The following EFHB variants were observed in gnomAD, a reference collection of about 807,000 sequenced individuals.
EFHB encodes the protein EF-hand domain family member B.
EFHB carries 91 observed loss-of-function variants against 87.2 expected under a neutral mutation model. The ratio of observed to expected loss-of-function variants is 1.04; its 90% CI spans 0.88 to 1.24. EFHB has a LOEUF of 1.24. EFHB is among the 50% of genes most tolerant of loss of function. The pLI is 0.00. For missense variants in EFHB, 1,084 were observed against 998.8 expected (o/e 1.09, Z -1.15); for synonymous variants, 325 against 333.6 (o/e 0.97, Z 0.28).
intron 6 of EFHB, among the ~76,000 whole-genome samples, chr3:19,900,617 T>C (rs538579988): frequency 6.6e-6 from 1 of 152,212 alleles, no homozygotes; most frequent in East Asian, 1.9e-4. Context: ...AATGATATAA[T>C]CCAGATAGCA....
At chr3:19,918,094 T>C in intron 4 of EFHB, 138 bp downstream of exon 4, 1 of 1,007,292 alleles carries the variant, frequency 9.9e-7, no homozygotes, top group Non-Finnish European at 1.4e-6. Flanking sequence ...GTAACTTTCT[T>C]GCAACAATCC....
rs75558078 is a variant in EFHB, at chr3:19,925,629, G to A, written c.790-5062C>T. Among the ~76,000 whole-genome samples the A allele has an allele frequency of 4.7e-3, 717 of 152,186 alleles. 8 individuals carry two copies. The highest frequency in any genetic ancestry group is 0.015 in the African/African-American group (632 of 41,520). On this transcript the variant is annotated intron_variant, in intron 1 of 12. Coordinates refer to ENST00000295824, the MANE Select transcript of EFHB (RefSeq NM_144715.4). ...CTTTGCTCGGTCCCTAACAACACCG[G>A]AGACACCTTGCTTGGCCACCTCCTC...
At chr3:19,895,862 T>G (rs1159901115) in intron 9 of EFHB, among the ~76,000 whole-genome samples, 1 of 152,208 alleles carries the variant, frequency 6.6e-6, no homozygotes, top group Non-Finnish European at 1.5e-5. Context: ...CAATGGCAGT[T>G]TCTTATAGTG....
At chr3:19,881,108 A>G (rs2071665289) in intron 12 of EFHB, among the ~76,000 whole-genome samples, 1 of 152,368 alleles carries the variant, frequency 6.6e-6, no homozygotes, top group Non-Finnish European at 1.5e-5. Flanking sequence ...GAAATTCAGA[A>G]GAGCAGAGCT....
rs751383120 is a variant in EFHB, at chr3:19,933,879, G to A, written c.140C>T (p.Pro47Leu). Residue 47 changes from proline to leucine, a missense_variant, in exon 1 of 13, where the codon CCT becomes CTT. Pro to Leu is a moderately conservative substitution (Grantham distance 98). Transcript: ENST00000295824. ...TCCCTCACACTTATTACTAACCACA[G>A]GGCTCTCCCCGCATCGGGAATCTTC... Reference protein sequence around the residue: ...GKEDSRCGESPVVSNKCEGRM... With the variant: ...GKEDSRCGESLVVSNKCEGRM... The A allele has an allele frequency of 1.2e-6, 2 of 1,613,736 alleles. No homozygotes were observed. The highest frequency in any genetic ancestry group is 1.7e-6 in the Non-Finnish European group (2 of 1,179,880).
chr3:19,881,013 A>G (rs1043832051), intron 12 of EFHB, among the ~76,000 whole-genome samples: 14 of 152,240 alleles, frequency 9.2e-5, no homozygotes, highest in African/African-American at 2.7e-4. Context: ...AACAATTAAA[A>G]AATCCCCTAG....
intron 5 of EFHB, among the ~76,000 whole-genome samples, chr3:19,908,594 GAGAGAGAAAGAA>G (rs1447600247): frequency 0.013 from 1,221 of 90,830 alleles, 5 homozygotes; most frequent in East Asian, 0.025. Flanking sequence ...GAGAGAGAGA[GAGAGAGAAAGAA>G]AGAAAGAAAG....
At chr3:19,914,504 C>G (rs1280881951) in intron 5 of EFHB, among the ~76,000 whole-genome samples, 1 of 151,948 alleles carries the variant, frequency 6.6e-6, no homozygotes, top group Non-Finnish European at 1.5e-5. Context: ...TAGTAATACG[C>G]TACTAGACAT....
chr3:19,900,598 A>G (rs1694637636), intron 6 of EFHB, among the ~76,000 whole-genome samples: 1 of 152,202 alleles, frequency 6.6e-6, no homozygotes, highest in Admixed American at 6.5e-5. Context: ...ACATCTGGGA[A>G]CCAATAATAA....
At chr3:19,887,491 A>T (rs1163735889) in intron 10 of EFHB, among the ~76,000 whole-genome samples, 1 of 152,142 alleles carries the variant, frequency 6.6e-6, no homozygotes, top group Non-Finnish European at 1.5e-5. Context: ...ATATACATAT[A>T]CACATATGTA....
rs780019891 is a variant in EFHB, at chr3:19,882,620, A to G, written c.2258T>C (p.Leu753Pro). The G allele has an allele frequency of 1.1e-5, 18 of 1,613,144 alleles. No individual in the cohort carries two copies. The highest frequency in any genetic ancestry group is 1.1e-5 in the South Asian group (1 of 90,904). Residue 753 changes from leucine to proline, a missense_variant, in exon 12 of 13, where the codon CTA (leucine) becomes CCA (proline). Transcript: ENST00000295824. ...TTTCCGGGCAAAAATGGTAGGATAT[A>G]GTAGTGAATATGCACTACCTTCTTC... ...YGEEGSAYSL[L>P]YPTIFARKGV...
At chr3:19,936,436 T>C, upstream of EFHB, 1 of 490,124 alleles carries the variant, frequency 2.0e-6, no homozygotes, top group East Asian at 3.2e-5. Context: ...TAGTGGTACA[T>C]GCCTATAGTC....
chr3:19,896,412 C>A, intron 9 of EFHB: 1 of 466,020 alleles, frequency 2.1e-6, no homozygotes, highest in Non-Finnish European at 4.0e-6. Context: ...CAGCAAATGT[C>A]TTCTGTTAAG....
intron 1 of EFHB, among the ~76,000 whole-genome samples, chr3:19,946,485 C>T (rs1389977326): frequency 6.6e-6 from 1 of 152,236 alleles, no homozygotes; most frequent in East Asian, 1.9e-4. Context: ...AAAAGGCAGA[C>T]ACTATTTTAG....
intron 9 of EFHB, among the ~76,000 whole-genome samples, chr3:19,892,496 C>T (rs915174668): frequency 1.3e-5 from 2 of 152,310 alleles, no homozygotes; most frequent in African/African-American, 4.8e-5. Context: ...CATGACCATT[C>T]CTGGACATGG....
At chr3:19,946,406 T>C (rs1466735076) in intron 1 of EFHB, among the ~76,000 whole-genome samples, 1 of 152,146 alleles carries the variant, frequency 6.6e-6, no homozygotes, top group African/African-American at 2.4e-5. Context: ...AAGACTCGAG[T>C]GTAAGAATTC....
chr3:19,919,484 G>A (rs894625064), intron 3 of EFHB, among the ~76,000 whole-genome samples: 1 of 152,048 alleles, frequency 6.6e-6, no homozygotes, highest in Admixed American at 6.6e-5. Context: ...TGGGATTACA[G>A]GCATGAGCCA....
At chr3:19,918,902 C>T (rs1251885557) in intron 3 of EFHB, among the ~76,000 whole-genome samples, 1 of 150,538 alleles carries the variant, frequency 6.6e-6, no homozygotes, top group Non-Finnish European at 1.5e-5. Flanking sequence ...ATGGCTTGAG[C>T]CCGGTAAGTG....
intron 7 of EFHB, 72 bp from the exon 8 acceptor site, chr3:19,898,917 C>T (rs1271977100): frequency 4.0e-6 from 6 of 1,496,768 alleles, no homozygotes; most frequent in East Asian, 2.3e-5. Context: ...ATATGTTTGC[C>T]ATATGTTCTT....
Sources: gnomAD v4.1 joint callset for allele counts (sites outside exome capture counted in the v4.1 genomes callset) on GRCh38, gnomAD v4.1.1 for gene constraint, MANE v1.5 for transcripts, NCBI Gene and HGNC (gene_info 2026-07-23, HGNC 2026-07-21) for gene names.